Variants in NAALADL2 observed in about 807,000 individuals in gnomAD.
The protein encoded by NAALADL2 is N-acetylated alpha-linked acidic dipeptidase like 2.
NAALADL2 carries 76 observed loss-of-function variants against 87.2 expected under a neutral mutation model. The ratio of observed to expected loss-of-function variants is 0.87; its 90% CI spans 0.72 to 1.05. The LOEUF is 1.05. Ranked by LOEUF, NAALADL2 falls within the 50% of genes least tolerant of loss-of-function variation. The pLI is 0.00. For missense variants in NAALADL2, 1,089 were observed against 945.8 expected (o/e 1.15, Z -1.99); for synonymous variants, 354 against 331.0 (o/e 1.07, Z -0.75).
intron 1 of NAALADL2, among the ~76,000 whole-genome samples, chr3:174,503,168 A>G (rs1719003327): frequency 6.6e-6 from 1 of 152,210 alleles, no homozygotes; most frequent in Non-Finnish European, 1.5e-5. Flanking sequence ...ATAGTTGAAG[A>G]TAAAATTTGT....
chr3:174,527,620 A>G (rs1052642637), intron 1 of NAALADL2, among the ~76,000 whole-genome samples: 4 of 152,192 alleles, frequency 2.6e-5, no homozygotes, highest in Non-Finnish European at 4.4e-5. Context: ...AGCCATCTCA[A>G]TTGCCAAGGA....
chr3:174,493,919 A>G (rs1718363157), intron 1 of NAALADL2, among the ~76,000 whole-genome samples: 1 of 152,230 alleles, frequency 6.6e-6, no homozygotes, highest in South Asian at 2.1e-4. Context: ...GCTGTGATAG[A>G]GATACGAACA....
intron 10 of NAALADL2, among the ~76,000 whole-genome samples, chr3:175,577,985 A>G (rs754564924): frequency 9.2e-5 from 14 of 152,182 alleles, no homozygotes; most frequent in Non-Finnish European, 1.5e-4. Flanking sequence ...AGCTTTTTTT[A>G]TGAAGTCACA....
At chr3:174,875,654 A>AT (rs1251593045) in intron 1 of NAALADL2, among the ~76,000 whole-genome samples, 22 of 152,208 alleles carry the variant, frequency 1.4e-4, no homozygotes, top group Admixed American at 5.2e-4. Flanking sequence ...AATATATCTT[A>AT]TTTTCTAAGA....
intron 1 of NAALADL2, among the ~76,000 whole-genome samples, chr3:175,014,323 C>T (rs1214962901): frequency 6.6e-6 from 1 of 152,092 alleles, no homozygotes; most frequent in East Asian, 1.9e-4. Flanking sequence ...AAAACTACAA[C>T]ACCTACCTGC....
chr3:175,365,889 C>T (rs1426870484), intron 5 of NAALADL2, among the ~76,000 whole-genome samples: 1 of 145,426 alleles, frequency 6.9e-6, no homozygotes, highest in Non-Finnish European at 1.5e-5. Context: ...TATTATTATA[C>T]TTTAAGTTTT....
At chr3:175,559,237 G>A (rs994647324) in intron 9 of NAALADL2, among the ~76,000 whole-genome samples, 4 of 151,764 alleles carry the variant, frequency 2.6e-5, no homozygotes, top group Non-Finnish European at 4.4e-5. Flanking sequence ...TTTGCTGTTG[G>A]CATATAGAAA....
chr3:175,217,060 CATTG>C (rs1742666938), intron 2 of NAALADL2, among the ~76,000 whole-genome samples: 1 of 152,168 alleles, frequency 6.6e-6, no homozygotes, highest in African/African-American at 2.4e-5. Context: ...GTATCTAAAA[CATTG>C]ATTCACAAAT....
At chr3:174,463,777 T>C (rs1225206953) in intron 1 of NAALADL2, among the ~76,000 whole-genome samples, 1 of 152,048 alleles carries the variant, frequency 6.6e-6, no homozygotes, top group Non-Finnish European at 1.5e-5. Context: ...ATTTTTTGTA[T>C]TTTTAGTAGA....
chr3:175,025,656 A>G (rs1276192101), intron 1 of NAALADL2, among the ~76,000 whole-genome samples: 1 of 152,214 alleles, frequency 6.6e-6, no homozygotes, highest in Non-Finnish European at 1.5e-5. Context: ...CATAGAGGAC[A>G]TAAGTTTCCA....
chr3:175,226,656 A>G (rs1376936889), intron 2 of NAALADL2, among the ~76,000 whole-genome samples: 1 of 152,152 alleles, frequency 6.6e-6, no homozygotes, highest in Admixed American at 6.6e-5. Context: ...ATGATTAAGC[A>G]TAATAGTAGA....
chr3:174,457,753 G>C (rs1226304990), intron 1 of NAALADL2, among the ~76,000 whole-genome samples: 1 of 152,092 alleles, frequency 6.6e-6, no homozygotes, highest in Non-Finnish European at 1.5e-5. Flanking sequence ...GGAGGTTGTA[G>C]TGAGCTAAGA....
intron 2 of NAALADL2, among the ~76,000 whole-genome samples, chr3:174,688,544 G>T (rs1335341845): frequency 2.0e-5 from 3 of 151,982 alleles, no homozygotes; most frequent in Non-Finnish European, 2.9e-5. Flanking sequence ...CTGGCATATA[G>T]AAAGCAGTAT....
chr3:174,725,838 G>A lies in NAALADL2; in HGVS notation c.-114-11803G>A, dbSNP rs552736794. 9.2e-5 allele frequency among the ~76,000 whole-genome samples: 14 copies of A among 152,308 alleles called. 1 individual carries two copies. Among genetic ancestry groups the A allele is most frequent in the Middle Eastern group, 6.8e-3 (2 of 294 alleles). ...TCAACCTAAAGCCACAGTGAAGATA[G>A]TTGTCTCTAAAGCGGCACCAGAGGA... is the stretch of plus-strand genomic sequence containing the variant. On this transcript the variant is annotated intron_variant, in intron 2 of 3. Transcript: ENST00000434257.
At chr3:174,810,517 G>T (rs1265761709) in intron 3 of NAALADL2, among the ~76,000 whole-genome samples, 4 of 151,474 alleles carry the variant, frequency 2.6e-5, no homozygotes, top group Non-Finnish European at 4.4e-5. Flanking sequence ...ACCATTTAGG[G>T]CATTTGGTGG....
At chr3:175,224,625 A>C (rs1282257826) in intron 2 of NAALADL2, among the ~76,000 whole-genome samples, 1 of 152,102 alleles carries the variant, frequency 6.6e-6, no homozygotes, top group Non-Finnish European at 1.5e-5. Context: ...TTCTGGTATC[A>C]TGGATAATTC....
At chr3:175,632,103 G>A (rs1158873411) in intron 11 of NAALADL2, among the ~76,000 whole-genome samples, 2 of 151,980 alleles carry the variant, frequency 1.3e-5, no homozygotes, top group Non-Finnish European at 2.9e-5. Flanking sequence ...TTGGGTCTGT[G>A]TCCCCACCCA....
intron 1 of NAALADL2, among the ~76,000 whole-genome samples, chr3:174,928,624 A>G (rs919451621): frequency 6.6e-6 from 1 of 152,246 alleles, no homozygotes; most frequent in African/African-American, 2.4e-5. Flanking sequence ...TTTCAGAATC[A>G]GTTATTCGCA....
At chr3:175,776,652 C>T (rs1412219116) in intron 13 of NAALADL2, among the ~76,000 whole-genome samples, 1 of 152,008 alleles carries the variant, frequency 6.6e-6, no homozygotes, top group Admixed American at 6.6e-5. Context: ...GACTCTGATC[C>T]CAATTTTGCT....
Sources: allele counts gnomAD v4.1 joint callset (sites outside exome capture counted in the v4.1 genomes callset), GRCh38; gene constraint gnomAD v4.1.1; transcripts MANE v1.5; gene names NCBI Gene and HGNC (gene_info 2026-07-23, HGNC 2026-07-21).